Variants in CYP2C19 observed in about 807,000 individuals in gnomAD.
CYP2C19 encodes the protein cytochrome P450 family 2 subfamily C member 19.
Under a neutral mutation model 40.9 loss-of-function variants are expected in CYP2C19, and 59 were observed. That is an observed-to-expected ratio of 1.44 (90% CI 1.17 to 1.79). The LOEUF is 1.79. Among genes scored for constraint, CYP2C19 ranks in the 40% most tolerant of loss-of-function variants. The probability of loss-of-function intolerance (pLI) is 0.00; values close to 1 mark genes in which losing one functional copy is unlikely to be tolerated. For missense variants in CYP2C19, 754 were observed against 596.9 expected, an observed-to-expected ratio of 1.26 and a Z score of -2.74; for synonymous variants, 253 against 208.7, an observed-to-expected ratio of 1.21 and a Z score of -1.83.
intron 6 of CYP2C19, among the ~76,000 whole-genome samples, chr10:94,825,876 G>T (rs1458222740): frequency 2.6e-5 from 4 of 151,154 alleles, no homozygotes; most frequent in Admixed American, 2.6e-4. Context: ...TTCTACATAT[G>T]GCTAGCCAGC....
intron 6 of CYP2C19, among the ~76,000 whole-genome samples, chr10:94,833,331 T>A (rs892785825): frequency 1.3e-5 from 2 of 152,246 alleles, no homozygotes; most frequent in Non-Finnish European, 2.9e-5. Flanking sequence ...ATCCTTGTCA[T>A]GTTCATGATC....
intron 1 of CYP2C19, among the ~76,000 whole-genome samples, chr10:94,772,425 T>A (rs946558884): frequency 1.3e-5 from 2 of 151,930 alleles, no homozygotes; most frequent in Non-Finnish European, 2.9e-5. Context: ...CAGGCAGTGG[T>A]TTTTAGAAGC....
chr10:94,827,971 G>A (rs1330484961), intron 6 of CYP2C19, among the ~76,000 whole-genome samples: 1 of 151,940 alleles, frequency 6.6e-6, no homozygotes, highest in Non-Finnish European at 1.5e-5. Flanking sequence ...TAGTTGAGCG[G>A]TTTTGAGTGA....
chr10:94,818,479 G>A (rs1026488396), intron 5 of CYP2C19, among the ~76,000 whole-genome samples: 5 of 150,602 alleles, frequency 3.3e-5, no homozygotes, highest in Non-Finnish European at 5.9e-5. Context: ...ATTACCTTGG[G>A]CAGTATGGCC....
chr10:94,835,834 G>C (rs149182864), intron 6 of CYP2C19, among the ~76,000 whole-genome samples: 2 of 152,034 alleles, frequency 1.3e-5, no homozygotes, highest in Non-Finnish European at 2.9e-5. Context: ...TATTAGTTCT[G>C]CCAGCTGAGC....
chr10:94,771,733 C>T (rs919025939), intron 1 of CYP2C19, among the ~76,000 whole-genome samples: 3 of 152,088 alleles, frequency 2.0e-5, no homozygotes, highest in Non-Finnish European at 4.4e-5. Flanking sequence ...AGTCCCTGGA[C>T]CCTGCTGATC....
chr10:94,774,137 C>G (rs1429444072), intron 1 of CYP2C19: 1 of 152,188 alleles, frequency 6.6e-6, no homozygotes, highest in Non-Finnish European at 1.5e-5. Flanking sequence ...CACAGAAGCC[C>G]AGATGGCTTC....
rs117271207 is a variant in CYP2C19, at chr10:94,831,216, T to A, written c.961+10579T>A. On this transcript the variant is annotated intron_variant, in intron 6 of 8. Transcript: ENST00000371321. Reference sequence around the variant, plus strand: ...TTGCAAATGACTGAATCTCATTCTTTTTTTATGGCTGAATAGAACTCCATT... The same window carrying A: ...TTGCAAATGACTGAATCTCATTCTTATTTTATGGCTGAATAGAACTCCATT... 4.4e-3 allele frequency among the ~76,000 whole-genome samples: 663 copies of A among 152,300 alleles called. 1 individual carries two copies. The highest frequency in any genetic ancestry group is 0.01 in the Middle Eastern group (3 of 294).
chr10:94,852,077 G>A (rs4617515), intron 8 of CYP2C19, among the ~76,000 whole-genome samples: 73,605 of 151,966 alleles, frequency 0.48, 18,764 homozygotes, highest in African/African-American at 0.64. Context: ...AGTGTGTTGG[G>A]GACTGATGAT....
Position 94,778,002 on chromosome 10 carries a change from C to T in CYP2C19, c.481+2463C>T, listed in dbSNP as rs142786371. On this transcript the variant is annotated intron_variant, in intron 3 of 8. Transcript: ENST00000371321. ...AAACTGCTGGGTCTGTCCTGCAGAC[C>T]CTGGCCAATGGATGAAATGAGTACT... Among the ~76,000 whole-genome samples, 1,084 of 152,032 alleles carry T rather than the reference C, an allele frequency of 7.1e-3. 9 individuals carry two copies. Among genetic ancestry groups the T allele is most frequent in the Non-Finnish European group, 0.011 (738 of 67,960 alleles).
chr10:94,811,800 C>A (rs1266509259), intron 5 of CYP2C19, among the ~76,000 whole-genome samples: 1 of 151,954 alleles, frequency 6.6e-6, no homozygotes, highest in Non-Finnish European at 1.5e-5. Flanking sequence ...CTCCTGAATA[C>A]AGCACATTGA....
intron 5 of CYP2C19, among the ~76,000 whole-genome samples, chr10:94,795,231 C>T (rs1848665816): frequency 6.8e-6 from 1 of 147,558 alleles, no homozygotes; most frequent in African/African-American, 2.5e-5. Context: ...TCAATTCCCA[C>T]CTATGAGTGA....
intron 5 of CYP2C19, among the ~76,000 whole-genome samples, chr10:94,808,276 T>G (rs947727853): frequency 9.2e-5 from 14 of 151,974 alleles, no homozygotes; most frequent in Non-Finnish European, 1.3e-4. Context: ...AGATTTATAG[T>G]AATTTTTGTG....
intron 1 of CYP2C19, 105 bp from the exon 2 acceptor site, chr10:94,774,953 C>T (rs1848385851): frequency 1.6e-6 from 2 of 1,231,160 alleles, no homozygotes; most frequent in Non-Finnish European, 2.3e-6. Flanking sequence ...GCCTGTGTGA[C>T]TGAATAAAAG....
chr10:94,848,852 G>A (rs956379556), intron 7 of CYP2C19, among the ~76,000 whole-genome samples: 2 of 152,180 alleles, frequency 1.3e-5, no homozygotes, highest in Admixed American at 6.5e-5. Flanking sequence ...GTGAATGGAA[G>A]TTCACTCATG....
At chr10:94,805,177 G>A (rs1479338881) in intron 5 of CYP2C19, among the ~76,000 whole-genome samples, 1 of 151,860 alleles carries the variant, frequency 6.6e-6, no homozygotes, top group Non-Finnish European at 1.5e-5. Flanking sequence ...TCAAAATTTA[G>A]TATGCCTTAG....
At chr10:94,784,533 T>C (rs1015354228) in intron 5 of CYP2C19, among the ~76,000 whole-genome samples, 6 of 152,148 alleles carry the variant, frequency 3.9e-5, no homozygotes, top group African/African-American at 1.2e-4. Context: ...TTTCTGTTTC[T>C]CCACATAGTT....
chr10:94,853,857 T>C lies in CYP2C19; in HGVS notation c.*943T>C, dbSNP rs1266116857. Among the ~76,000 whole-genome samples, 1 of 152,100 alleles carries C rather than the reference T, an allele frequency of 6.6e-6. No individual in the cohort carries two copies. The highest frequency in any genetic ancestry group is 6.5e-5 in the Admixed American group (1 of 15,272). On this transcript the variant is annotated 3_prime_UTR_variant, in exon 9 of 9. Coordinates refer to ENST00000371321, the MANE Select transcript of CYP2C19 (RefSeq NM_000769.4). ...CACTGTGCCTGGTCTAATGTTACTT[T>C]AAAGTGTCATTACTTTATCTCTAAA...
intron 6 of CYP2C19, among the ~76,000 whole-genome samples, chr10:94,833,153 A>G (rs1849356739): frequency 1.3e-5 from 2 of 152,196 alleles, no homozygotes; most frequent in African/African-American, 4.8e-5. Flanking sequence ...TCTAATAATT[A>G]TCTTGTGGAA....
Sources: gnomAD v4.1 joint callset for allele counts (sites outside exome capture counted in the v4.1 genomes callset) on GRCh38, gnomAD v4.1.1 for gene constraint, MANE v1.5 for transcripts, NCBI Gene and HGNC (gene_info 2026-07-23, HGNC 2026-07-21) for gene names.